Variants in SLC41A1 observed in about 807,000 individuals in gnomAD.
SLC41A1 encodes solute carrier family 41 (magnesium transporter), member 1.
In SLC41A1, 20 loss-of-function variants were observed where a neutral mutation model predicts 47.3. The observed-to-expected ratio is 0.42, with a 90% CI of 0.30 to 0.61. SLC41A1 has a LOEUF of 0.61. Among genes scored for constraint, SLC41A1 ranks in the 20% least tolerant of loss-of-function variants. The pLI is 0.17. For synonymous variants in SLC41A1, 282 were observed against 272.7 expected, an observed-to-expected ratio of 1.03 and a Z score of -0.34; for missense variants, 504 against 674.1, an observed-to-expected ratio of 0.75 and a Z score of 2.79.
intron 2 of SLC41A1, among the ~76,000 whole-genome samples, chr1:205,809,775 T>C (rs1050913999): frequency 6.6e-6 from 1 of 151,966 alleles, no homozygotes; most frequent in Non-Finnish European, 1.5e-5. Context: ...TTGGGAGAGA[T>C]GGCAAGCAAC....
chr1:205,807,105 G>GT (rs1656030859), intron 2 of SLC41A1, among the ~76,000 whole-genome samples: 2 of 151,804 alleles, frequency 1.3e-5, no homozygotes, highest in African/African-American at 4.8e-5. Context: ...CTTATGAAGG[G>GT]GTAATATAGG....
rs1558078725 is a variant in SLC41A1 at position 205,794,990 on chromosome 1, G to T, written c.1236C>A (p.Leu412=). The T allele has an allele frequency of 1.9e-6, 3 of 1,614,086 alleles. No homozygotes were observed. Among genetic ancestry groups the T allele is most frequent in the Non-Finnish European group, 2.5e-6 (3 of 1,180,012 alleles). The change falls in exon 10 of 11, where the codon CTC becomes CTA. Residue 412 remains leucine, a synonymous_variant. Coordinates refer to ENST00000367137, the MANE Select transcript of SLC41A1 (RefSeq NM_173854.6). ...GGTGTCCTGGGACCACGAGGAGGAAGAGGACCCGGGCTGAGCGAGAATTCA... is the reference window on the plus strand; with the variant it reads ...GGTGTCCTGGGACCACGAGGAGGAATAGGACCCGGGCTGAGCGAGAATTCA... ...PDVNSRSARV[L]FLLVVPGHLV...
At chr1:205,805,202 C>G (rs1224571395) in intron 2 of SLC41A1, among the ~76,000 whole-genome samples, 2 of 152,152 alleles carry the variant, frequency 1.3e-5, no homozygotes, top group Non-Finnish European at 2.9e-5. Context: ...GACCCCAGGC[C>G]AGCAAAGCCC....
intron 3 of SLC41A1, 127 bp downstream of exon 3, chr1:205,800,826 C>A: frequency 1.1e-6 from 1 of 904,104 alleles, no homozygotes. Flanking sequence ...CAGGCCCTCC[C>A]TTCCCACCCC....
At chr1:205,795,322 G>A (rs761367825) in intron 9 of SLC41A1, 22 bp downstream of exon 9, 2 of 1,614,222 alleles carry the variant, frequency 1.2e-6, no homozygotes, top group African/African-American at 1.3e-5. Context: ...CCAGGGCTGG[G>A]AGGCTGGGAA....
chr1:205,807,650 CTTTTTTTTTTT>C lies in SLC41A1; in HGVS notation c.372+2409_372+2419del, dbSNP rs71152452. 7.1e-5 allele frequency among the ~76,000 whole-genome samples: 7 copies of C among 98,522 alleles called. No individual in the cohort carries two copies. In the Admixed American group the frequency reaches 8.6e-4, roughly 12 times the overall value. The allele number at this position is 98,522 out of a possible 152,430, so 64.6% of individuals were successfully genotyped here. A position where few individuals can be genotyped will look rare whatever the true frequency, so the allele number is the denominator to read the frequency against. On this transcript the variant is annotated intron_variant, in intron 2 of 10. Transcript: ENST00000367137. ...AAAGAAAATAGGCTCCTCGTAGAGT[CTTTTTTTTTTT>C]TTTTTTTTTTTTGAGACAGCGTTTG...
chr1:205,800,777 C>G (rs1409733719), intron 3 of SLC41A1, among the ~76,000 whole-genome samples, 176 bp downstream of exon 3: 4 of 152,148 alleles, frequency 2.6e-5, no homozygotes, highest in Admixed American at 6.5e-5. Context: ...TGCCCAGGAG[C>G]AGGACACCCA....
chr1:205,795,313 C>A, intron 9 of SLC41A1, 31 bp downstream of exon 9: 3 of 1,614,160 alleles, frequency 1.9e-6, no homozygotes, highest in African/African-American at 1.3e-5. Context: ...CCACTCCCCC[C>A]AGGGCTGGGA....
chr1:205,804,429 TCAA>T (rs1655967138), intron 2 of SLC41A1, among the ~76,000 whole-genome samples: 2 of 152,116 alleles, frequency 1.3e-5, no homozygotes, highest in African/African-American at 4.8e-5. Context: ...GCCCCCCATC[TCAA>T]CAACAGTTAC....
chr1:205,796,835 T>A, intron 8 of SLC41A1, 89 bp downstream of exon 8: 1 of 1,317,586 alleles, frequency 7.6e-7, no homozygotes, highest in Non-Finnish European at 1.1e-6. Flanking sequence ...GAACCCTGAC[T>A]GATACAGAAA....
chr1:205,805,013 T>C (rs1479839067), intron 2 of SLC41A1, among the ~76,000 whole-genome samples: 4 of 152,162 alleles, frequency 2.6e-5, no homozygotes, highest in African/African-American at 7.2e-5. Flanking sequence ...CAAATCTCTC[T>C]ACCTCCCAGC....
chr1:205,798,568 T>C (rs956991572), intron 6 of SLC41A1, 101 bp downstream of exon 6: 23 of 1,542,232 alleles, frequency 1.5e-5, no homozygotes, highest in Non-Finnish European at 2.0e-5. Flanking sequence ...TCAAACCAAA[T>C]AGTTTAAGAA....
At chr1:205,807,225 C>T (rs1656033575) in intron 2 of SLC41A1, among the ~76,000 whole-genome samples, 2 of 152,160 alleles carry the variant, frequency 1.3e-5, no homozygotes, top group Non-Finnish European at 2.9e-5. Flanking sequence ...TGTCTCGGTC[C>T]CTCTGCACTC....
intron 2 of SLC41A1, among the ~76,000 whole-genome samples, chr1:205,807,615 A>C (rs1054078713): frequency 6.6e-6 from 1 of 151,490 alleles, no homozygotes; most frequent in African/African-American, 2.4e-5. Flanking sequence ...CCAGTTCTTC[A>C]AGGAAAGACA....
At chr1:205,801,321 C>T in intron 2 of SLC41A1, 1 of 438,716 alleles carries the variant, frequency 2.3e-6, no homozygotes, top group Non-Finnish European at 4.3e-6. Context: ...CTGGCCCTAC[C>T]TTTTCTGTTT....
In SLC41A1 at chr1:205,791,507, G is replaced by A; in HGVS notation, c.*26C>T. 6.2e-7 allele frequency: 1 copy of A among 1,613,992 alleles called. No individual in the cohort carries two copies. Among genetic ancestry groups the A allele is most frequent in the Non-Finnish European group, 8.5e-7 (1 of 1,179,928 alleles). ...AAATTTCAAATAGAAAGTGCAGAGG[G>A]ATGGGGAAAATGTTGAGTGACCAAG... On this transcript the variant is annotated 3_prime_UTR_variant, in exon 11 of 11. Transcript: ENST00000367137. The surrounding 1 kb of genome is among the most constrained non-coding windows in gnomAD (Gnocchi z 4.0).
intron 9 of SLC41A1, 28 bp from the exon 10 acceptor site, chr1:205,795,046 G>C: frequency 6.2e-7 from 1 of 1,611,728 alleles, no homozygotes; most frequent in Non-Finnish European, 8.5e-7. Flanking sequence ...AGGGTGTAAA[G>C]AGGAGGGGAG....
intron 2 of SLC41A1, among the ~76,000 whole-genome samples, chr1:205,807,242 TC>T (rs1277611260): frequency 1.3e-5 from 2 of 152,116 alleles, no homozygotes; most frequent in African/African-American, 4.8e-5. Flanking sequence ...ACTCACCCCC[TC>T]CTGCCATCTC....
chr1:205,793,585 T>G (rs909358422), intron 10 of SLC41A1, among the ~76,000 whole-genome samples: 2 of 152,168 alleles, frequency 1.3e-5, no homozygotes, highest in African/African-American at 4.8e-5. Context: ...GTGAGGGGGC[T>G]GGAGGGATAG....
Sources: gnomAD v4.1 joint callset for allele counts (sites outside exome capture counted in the v4.1 genomes callset) on GRCh38, gnomAD v4.1.1 for gene constraint, Gnocchi (gnomAD v3.1) non-coding constraint, MANE v1.5 for transcripts, NCBI Gene and HGNC (gene_info 2026-07-23, HGNC 2026-07-21) for gene names.